Variants in INPP5D observed in about 807,000 individuals in gnomAD.
INPP5D encodes the protein phosphatidylinositol 3,4,5-trisphosphate 5-phosphatase 1.
Under a neutral mutation model 122.9 loss-of-function variants are expected in INPP5D, and 33 were observed. That is an observed-to-expected ratio of 0.27 (90% CI 0.20 to 0.36). INPP5D has a LOEUF of 0.36. Ranked by LOEUF, INPP5D falls within the 10% of genes least tolerant of loss-of-function variation. The pLI is 1.00. For synonymous variants in INPP5D, 584 were observed against 576.2 expected (o/e 1.01, Z -0.19); for missense variants, 1,053 against 1,412.7 (o/e 0.75, Z 4.08).
intron 5 of INPP5D, among the ~76,000 whole-genome samples, chr2:233,132,176 A>G (rs1693346708): frequency 6.6e-6 from 1 of 152,240 alleles, no homozygotes; most frequent in African/African-American, 2.4e-5. Flanking sequence ...TTCTTTTTAT[A>G]AAACACCATT....
At chr2:233,139,520 A>G (rs1693589789) in intron 5 of INPP5D, among the ~76,000 whole-genome samples, 1 of 148,864 alleles carries the variant, frequency 6.7e-6, no homozygotes, top group South Asian at 2.1e-4. Flanking sequence ...TAAACACAGA[A>G]GGTTGGGAAC....
At chr2:233,145,905 G>A in intron 6 of INPP5D, 2 of 647,642 alleles carry the variant, frequency 3.1e-6, no homozygotes, top group Non-Finnish European at 5.7e-6. Context: ...AAGCAACGGA[G>A]TGGGTGAGGT....
chr2:233,111,963 C>G, intron 2 of INPP5D, among the ~76,000 whole-genome samples: 1 of 148,178 alleles, frequency 6.7e-6, no homozygotes, highest in South Asian at 2.1e-4. Context: ...CTTGGGGGGG[C>G]TGAGGTGTGA....
At chr2:233,093,636 C>T (rs1692046349) in intron 2 of INPP5D, among the ~76,000 whole-genome samples, 2 of 149,024 alleles carry the variant, frequency 1.3e-5, no homozygotes, top group African/African-American at 5.0e-5. Flanking sequence ...GCTGAGATCA[C>T]GTCACTGCAC....
In INPP5D at chr2:233,204,190, C is replaced by T. The variant is rs750127174; in HGVS notation, c.3040C>T (p.Pro1014Ser). The T allele has an allele frequency of 1.2e-6, 2 of 1,610,944 alleles. No individual in the cohort carries two copies. The highest frequency in any genetic ancestry group is 3.4e-5 in the Admixed American group (2 of 59,540). Residue 1014 changes from proline (P) to serine (S), a missense_variant, in exon 26 of 27, where the codon CCC becomes TCC. Transcript: ENST00000445964. ...LPQEDLPLTK[P>S]EMFENPLYGS... is the part of the protein sequence containing the mutation. ...TCAGGAGGACCTGCCGCTGACGAAG[C>T]CCGAGATGTTTGAGAACCCCCTGTA... is the stretch of plus-strand genomic sequence containing the variant.
chr2:233,096,765 C>T (rs6723294), intron 2 of INPP5D, among the ~76,000 whole-genome samples: 106,353 of 152,014 alleles, frequency 0.7, 37,413 homozygotes, highest in Middle Eastern at 0.8. Context: ...AAAATATTTC[C>T]GATTTTAAAA....
chr2:233,139,114 T>C (rs2106272604), intron 5 of INPP5D, among the ~76,000 whole-genome samples: 1 of 152,212 alleles, frequency 6.6e-6, no homozygotes, highest in East Asian at 1.9e-4. Flanking sequence ...TAGCAATCGA[T>C]TTCAGCACAT....
intron 25 of INPP5D, among the ~76,000 whole-genome samples, chr2:233,200,747 T>C (rs1695309378): frequency 6.6e-6 from 1 of 151,860 alleles, no homozygotes; most frequent in South Asian, 2.1e-4. Context: ...TCACTTGAGG[T>C]CAGGAGTTTG....
chr2:233,125,894 C>T lies in INPP5D; in HGVS notation c.499C>T (p.Arg167Ter), dbSNP rs753207715. Residue 167 changes from arginine to a stop codon, truncating the protein, a stop_gained, in exon 4 of 27, where the codon CGA (arginine) becomes TGA (stop). Coordinates refer to ENST00000445964, the MANE Select transcript of INPP5D (RefSeq NM_001017915.3). LOFTEE classifies it high-confidence loss of function. ...RPSLSETLFQRLQSMDTSGLP... is the reference protein window; with the variant it reads ...RPSLSETLFQ ...GAGCCTCTCCGAGACATTGTTCCAG[C>T]GACTGCAAAGCATGGACACCAGTGG... The T allele has an allele frequency of 1.9e-6, 3 of 1,613,664 alleles. No individual in the cohort carries two copies. The highest frequency in any genetic ancestry group is 1.7e-6 in the Non-Finnish European group (2 of 1,179,792).
At chr2:233,167,261 C>T (rs1694367759) in intron 13 of INPP5D, among the ~76,000 whole-genome samples, 1 of 150,360 alleles carries the variant, frequency 6.7e-6, no homozygotes, top group South Asian at 2.1e-4. Context: ...GGCCCAGCTA[C>T]TCAGGAGGCT....
In INPP5D at chr2:233,185,929, A is replaced by T. The variant is rs1437051946; in HGVS notation, c.2358+4A>T. The T allele has an allele frequency of 1.9e-6, 3 of 1,593,794 alleles. No homozygotes were observed. The Admixed American group carries it at 5.2e-5, about 28-fold the overall frequency. ...GTTTGGTGAGACTCTTCCAAAGGTA[A>T]TTCTAGAGCAAGGCATTCCCCAGAG... On this transcript the variant is annotated splice_donor_region_variant and intron_variant, in intron 21 of 26. Transcript: ENST00000445964.
At chr2:233,119,152 T>C (rs1048197117) in intron 2 of INPP5D, among the ~76,000 whole-genome samples, 26 of 152,376 alleles carry the variant, frequency 1.7e-4, no homozygotes, top group African/African-American at 6.0e-4. Flanking sequence ...GGTTTTAGCA[T>C]TGGTGCGTCT....
chr2:233,196,801 C>T (rs1695195650), intron 24 of INPP5D, among the ~76,000 whole-genome samples: 1 of 152,108 alleles, frequency 6.6e-6, no homozygotes, highest in Admixed American at 6.5e-5. Context: ...TCCTCTCCTC[C>T]CTCCCTTCCC....
At chr2:233,204,984 G>A (rs1695455834) in intron 26 of INPP5D, 1 of 464,032 alleles carries the variant, frequency 2.2e-6, no homozygotes. Flanking sequence ...TTAAAAGGAA[G>A]AAAGGCGGGG....
In INPP5D at chr2:233,160,638, T is replaced by G. The variant is rs1333340710; in HGVS notation, c.1138-1086T>G. Among the ~76,000 whole-genome samples, 1 of 152,182 alleles carries G rather than the reference T, an allele frequency of 6.6e-6. No individual in the cohort carries two copies. The highest frequency in any genetic ancestry group is 1.9e-4 in the East Asian group (1 of 5,206). On this transcript the variant is annotated intron_variant, in intron 10 of 26. Transcript: ENST00000445964. This position sits in a 1 kb window ranked among gnomAD's most constrained non-coding sequence, Gnocchi z 4.2. ...TTCCCTTCTTTCTTTCTTTTTCTGT[T>G]TCTTTTCTTTTCTGAGACAGGGTCT...
intron 2 of INPP5D, among the ~76,000 whole-genome samples, chr2:233,111,619 T>C (rs1343722509): frequency 6.6e-6 from 1 of 152,210 alleles, no homozygotes; most frequent in African/African-American, 2.4e-5. Context: ...CAGGAGTGCA[T>C]AGCAGCAATG....
intron 2 of INPP5D, among the ~76,000 whole-genome samples, chr2:233,115,353 A>C (rs1692758192): frequency 6.6e-6 from 1 of 152,166 alleles, no homozygotes; most frequent in African/African-American, 2.4e-5. Flanking sequence ...AGAGACAGCA[A>C]ACAGTGCTAA....
In INPP5D at chr2:233,137,854, ATATATATATATATATATAT is replaced by A. The variant is rs1248503745; in HGVS notation, c.666-1987_666-1969del. The stretch of plus-strand genomic sequence containing the variant: ...TCACAAAAAAAAAAAAAAAAAAAAA[ATATATATATATATATATAT>A]ATATATATATATATATATATATATA... On this transcript the variant is annotated intron_variant, in intron 5 of 26. Coordinates refer to ENST00000445964, the MANE Select transcript of INPP5D (RefSeq NM_001017915.3). 1.5e-3 allele frequency among the ~76,000 whole-genome samples: 13 copies of A among 8,892 alleles called. 2 individuals are homozygous for A. Among genetic ancestry groups the A allele is most frequent in the Non-Finnish European group, 2.4e-3 (10 of 4,134 alleles). The allele number at this position is 8,892 out of a possible 152,430, so 5.8% of individuals were successfully genotyped here.
chr2:233,110,489 C>T (rs1692591605), intron 2 of INPP5D, among the ~76,000 whole-genome samples: 1 of 152,110 alleles, frequency 6.6e-6, no homozygotes, highest in African/African-American at 2.4e-5. Flanking sequence ...CATGAGCCAC[C>T]GCGCCCAGCA....
Sources: allele counts gnomAD v4.1 joint callset (sites outside exome capture counted in the v4.1 genomes callset), GRCh38; gene constraint gnomAD v4.1.1; non-coding constraint Gnocchi (gnomAD v3.1); transcripts MANE v1.5; gene names NCBI Gene and HGNC (gene_info 2026-07-23, HGNC 2026-07-21).